The following DSG3 variants were observed in gnomAD, a reference collection of about 807,000 sequenced individuals.
DSG3 encodes desmoglein-3.
A neutral mutation model predicts 85.9 loss-of-function variants in DSG3; 63 were observed. That is an observed-to-expected ratio of 0.73 (90% confidence interval 0.60 to 0.90). DSG3 has a LOEUF of 0.90. Among genes scored for constraint, DSG3 ranks in the 40% least tolerant of loss-of-function variants. The probability of loss-of-function intolerance (pLI) is 0.00; values close to 1 mark genes in which losing one functional copy is unlikely to be tolerated. For synonymous variants in DSG3, 447 were observed against 441.9 expected, an observed-to-expected ratio of 1.01 and a Z score of -0.14; for missense variants, 1,220 against 1,219.9, an observed-to-expected ratio of 1.00 and a Z score of 0.00.
chr18:31,460,800 A>C, intron 6 of DSG3, 33 bp from the exon 7 acceptor site: 1 of 1,536,686 alleles, frequency 6.5e-7, no homozygotes. Flanking sequence ...CTTTGGGATT[A>C]ATTATTTTTC....
At chr18:31,450,934 G>A (rs577290709) in intron 1 of DSG3, among the ~76,000 whole-genome samples, 1 of 152,244 alleles carries the variant, frequency 6.6e-6, no homozygotes, top group South Asian at 2.1e-4. Context: ...ACCAGTGTTA[G>A]TAAGTCAAGA....
Position 31,456,472 on chromosome 18 carries a change from A to T in DSG3, c.81A>T (p.Ile27=). 2.2e-6 allele frequency: 3 copies of T among 1,337,474 alleles called. No homozygotes were observed. The highest frequency in any genetic ancestry group is 2.9e-6 in the Non-Finnish European group (3 of 1,035,262). The allele number at this position is 1,337,474 out of a possible 1,614,324, so 82.9% of individuals were successfully genotyped here. A position where few individuals can be genotyped will look rare whatever the true frequency, so the allele number is the denominator to read the frequency against. Residue 27 remains isoleucine (I), a synonymous_variant, in exon 2 of 16, where the codon ATA becomes ATT. Coordinates refer to ENST00000257189, the MANE Select transcript of DSG3 (RefSeq NM_001944.3). ...VVILVHGELR[I]ETKGQYDEEE... ...TATTGGTTCATGGAGAATTGCGAATAGAGGTAAAGTATGAAAAAGGTTTTT... is the reference window on the plus strand; with the variant it reads ...TATTGGTTCATGGAGAATTGCGAATTGAGGTAAAGTATGAAAAAGGTTTTT...
At chr18:31,456,655 A>G (rs2072744273) in intron 2 of DSG3, among the ~76,000 whole-genome samples, 180 bp downstream of exon 2, 1 of 152,162 alleles carries the variant, frequency 6.6e-6, no homozygotes, top group Non-Finnish European at 1.5e-5. Flanking sequence ...TCATCCATAA[A>G]TGTCATTATT....
At chr18:31,459,732 T>C in intron 5 of DSG3, 113 bp from the exon 6 acceptor site, 1 of 1,068,636 alleles carries the variant, frequency 9.4e-7, no homozygotes, top group East Asian at 2.6e-5. Context: ...AACATACAGA[T>C]GATTTTAGGA....
rs2072880413 is a variant in DSG3, at chr18:31,475,435, G to T, written c.2386-211G>T. The stretch of plus-strand genomic sequence containing the variant: ...CAAGATTTGTAGAATCTAGACAAAG[G>T]TTCTAGCTCAATTTTGAGGTAATGT... On this transcript the variant is annotated intron_variant, in intron 15 of 15. Coordinates refer to ENST00000257189, the MANE Select transcript of DSG3 (RefSeq NM_001944.3). 3.9e-5 allele frequency among the ~76,000 whole-genome samples: 6 copies of T among 152,262 alleles called. No individual in the cohort carries two copies. In the South Asian group the frequency reaches 1.2e-3, roughly 32 times the overall value.
intron 1 of DSG3, among the ~76,000 whole-genome samples, chr18:31,449,661 A>G (rs2072699748): frequency 6.6e-6 from 1 of 152,222 alleles, no homozygotes; most frequent in Non-Finnish European, 1.5e-5. Context: ...CTCTAAACTA[A>G]AAAACCCCCG....
chr18:31,454,798 C>T (rs2072732067), intron 1 of DSG3, among the ~76,000 whole-genome samples: 2 of 151,812 alleles, frequency 1.3e-5, no homozygotes, highest in Non-Finnish European at 2.9e-5. Flanking sequence ...AGTTCGAGAC[C>T]AGCCTAACCA....
intron 10 of DSG3, 45 bp from the exon 11 acceptor site, chr18:31,466,485 C>G: frequency 6.4e-7 from 1 of 1,554,776 alleles, no homozygotes; most frequent in Non-Finnish European, 8.9e-7. Context: ...TTTTGTACAA[C>G]TTTGTTCTAT....
intron 1 of DSG3, among the ~76,000 whole-genome samples, chr18:31,450,365 A>C (rs1330628524): frequency 6.6e-6 from 1 of 152,178 alleles, no homozygotes; most frequent in African/African-American, 2.4e-5. Flanking sequence ...TGCTTTGGAG[A>C]ATCTGGACAT....
chr18:31,450,799 T>C (rs1489822830), intron 1 of DSG3, among the ~76,000 whole-genome samples: 1 of 152,174 alleles, frequency 6.6e-6, no homozygotes, highest in East Asian at 1.9e-4. Context: ...AATTAAAAAG[T>C]GCTGTGAGAA....
At chr18:31,474,793 A>G (rs1035103019) in intron 15 of DSG3, among the ~76,000 whole-genome samples, 1 of 152,206 alleles carries the variant, frequency 6.6e-6, no homozygotes, top group Non-Finnish European at 1.5e-5. Flanking sequence ...GAATGAGTAG[A>G]TAACCACAAC....
intron 1 of DSG3, among the ~76,000 whole-genome samples, chr18:31,454,197 C>T (rs1423857626): frequency 6.6e-6 from 1 of 152,100 alleles, no homozygotes; most frequent in Non-Finnish European, 1.5e-5. Context: ...AGGGCTAGTC[C>T]AAGCATGATT....
intron 1 of DSG3, among the ~76,000 whole-genome samples, chr18:31,449,947 G>A (rs927852454): frequency 2.0e-5 from 3 of 152,140 alleles, no homozygotes; most frequent in Non-Finnish European, 4.4e-5. Context: ...ATGAACAAAA[G>A]AATGTAAAAT....
rs748153189 is a variant in DSG3 at position 31,473,384 on chromosome 18, T to C, written c.2101+596T>C. ...TTGGTTTTACCAAGTGGCTATTGCATTAATATTATCTGAGTGCCACAACTA... is the reference window on the plus strand; with the variant it reads ...TTGGTTTTACCAAGTGGCTATTGCACTAATATTATCTGAGTGCCACAACTA... On this transcript the variant is annotated intron_variant, in intron 14 of 15. Coordinates refer to ENST00000257189, the MANE Select transcript of DSG3 (RefSeq NM_001944.3). Among the ~76,000 whole-genome samples the C allele has an allele frequency of 6.7e-4, 102 of 152,236 alleles. 2 individuals are homozygous for C. Among genetic ancestry groups the C allele is most frequent in the Non-Finnish European group, 1.9e-4 (13 of 68,034 alleles).
Position 31,447,809 on chromosome 18 carries a change from A to C in DSG3, c.-69A>C. ...CTGCAGAGGGCTTTTCTTAGACATC[A>C]ACTGCAGACGGCTGGCAGGATAGAA... On this transcript the variant is annotated 5_prime_UTR_variant, in exon 1 of 16. Transcript: ENST00000257189. 7.3e-7 allele frequency: 1 copy of C among 1,370,602 alleles called. No individual in the cohort carries two copies. The allele number at this position is 1,370,602 out of a possible 1,614,324, so 84.9% of individuals were successfully genotyped here.
At chr18:31,451,103 T>C (rs74403809) in intron 1 of DSG3, among the ~76,000 whole-genome samples, 2,436 of 152,314 alleles carry the variant, frequency 0.016, 38 homozygotes, top group South Asian at 0.068. Context: ...CAGTTTCTTG[T>C]GCTTGTTTGA....
At chr18:31,468,684 AAAGCT>A (rs2072836695) in intron 11 of DSG3, among the ~76,000 whole-genome samples, 1 of 152,234 alleles carries the variant, frequency 6.6e-6, no homozygotes, top group Non-Finnish European at 1.5e-5. Flanking sequence ...TAGGTCTTCC[AAAGCT>A]CATGTGTTGA....
intron 8 of DSG3, among the ~76,000 whole-genome samples, 177 bp downstream of exon 8, chr18:31,461,589 A>T (rs1453672322): frequency 6.6e-6 from 1 of 152,252 alleles, no homozygotes; most frequent in Non-Finnish European, 1.5e-5. Context: ...ACCTCTCTTA[A>T]CATCTTGAAC....
At chr18:31,473,607 T>C (rs1405350685) in intron 14 of DSG3, among the ~76,000 whole-genome samples, 2 of 152,236 alleles carry the variant, frequency 1.3e-5, no homozygotes, top group African/African-American at 2.4e-5. Flanking sequence ...ATGTAAAGAA[T>C]TATCTAGAAA....
Sources: allele counts gnomAD v4.1 joint callset (sites outside exome capture counted in the v4.1 genomes callset), GRCh38; gene constraint gnomAD v4.1.1; transcripts MANE v1.5; gene names NCBI Gene and HGNC (gene_info 2026-07-23, HGNC 2026-07-21).